Variants in NTRK3 observed in about 807,000 individuals in gnomAD.
The protein encoded by NTRK3 is neurotrophic receptor tyrosine kinase 3.
In NTRK3, 24 loss-of-function variants were observed where a neutral mutation model predicts 91.7. The observed-to-expected ratio is 0.26, with a 90% CI of 0.19 to 0.37. The LOEUF (loss-of-function observed/expected upper bound fraction) is 0.37. Among genes scored for constraint, NTRK3 ranks in the 10% least tolerant of loss-of-function variants. The pLI is 1.00. For synonymous variants in NTRK3, 483 were observed against 404.0 expected (o/e 1.20, Z -2.34); for missense variants, 880 against 1,068.9 (o/e 0.82, Z 2.46).
intron 5 of NTRK3, among the ~76,000 whole-genome samples, chr15:88,169,202 C>G (rs760794605): frequency 4.6e-5 from 7 of 152,182 alleles, no homozygotes; most frequent in Admixed American, 6.5e-5. Flanking sequence ...CACACTCACC[C>G]AGCAGACTAA....
chr15:88,013,117 AG>A (rs1260313340), intron 14 of NTRK3, among the ~76,000 whole-genome samples: 1 of 64,090 alleles, frequency 1.6e-5, no homozygotes, highest in Non-Finnish European at 3.2e-5. Context: ...CACTACCAGC[AG>A]CTGAAACCGT....
At chr15:88,229,390 C>T (rs2050974252) in intron 3 of NTRK3, among the ~76,000 whole-genome samples, 1 of 152,178 alleles carries the variant, frequency 6.6e-6, no homozygotes, top group Admixed American at 6.5e-5. Context: ...TCTGCTTCTC[C>T]ATGTTACATC....
At chr15:88,163,134 C>G (rs923510704) in intron 5 of NTRK3, among the ~76,000 whole-genome samples, 1 of 152,182 alleles carries the variant, frequency 6.6e-6, no homozygotes, top group Non-Finnish European at 1.5e-5. Context: ...GGTGCCCCTC[C>G]TCCAGGCTCC....
At chr15:88,134,947 G>A (rs1441424854) in intron 10 of NTRK3, among the ~76,000 whole-genome samples, 154 bp downstream of exon 10, 2 of 152,198 alleles carry the variant, frequency 1.3e-5, no homozygotes, top group African/African-American at 4.8e-5. Flanking sequence ...TATACCAGAT[G>A]CGGCTGGTGG....
intron 13 of NTRK3, 132 bp from the exon 14 acceptor site, chr15:88,033,177 TATATATATATATATATA>T (rs1246056744): frequency 4.8e-5 from 4 of 82,564 alleles, no homozygotes; most frequent in Admixed American, 1.8e-4. Flanking sequence ...GGGGGTGTGT[TATATATATATATATATA>T]TATATATATA....
chr15:88,030,051 G>C (rs556469266), intron 14 of NTRK3, among the ~76,000 whole-genome samples: 2 of 152,314 alleles, frequency 1.3e-5, no homozygotes, highest in South Asian at 4.2e-4. Context: ...TCTACTGATG[G>C]AACAGAAAGT....
intron 17 of NTRK3, among the ~76,000 whole-genome samples, chr15:87,893,164 G>A (rs2141586416): frequency 6.6e-6 from 1 of 152,200 alleles, no homozygotes; most frequent in African/African-American, 2.4e-5. Context: ...TCAGAGTCCT[G>A]CTCCTCTTGT....
At chr15:87,957,516 A>G (rs1237083967) in intron 14 of NTRK3, among the ~76,000 whole-genome samples, 8 of 152,196 alleles carry the variant, frequency 5.3e-5, no homozygotes, top group Non-Finnish European at 1.2e-4. Flanking sequence ...CCTATAGCAC[A>G]GTGTTGTGGT....
At chr15:88,074,781 T>C (rs1268776846) in intron 13 of NTRK3, among the ~76,000 whole-genome samples, 3 of 152,198 alleles carry the variant, frequency 2.0e-5, no homozygotes, top group Non-Finnish European at 4.4e-5. Context: ...GGGATTCGAA[T>C]TGACAGACCT....
intron 15 of NTRK3, among the ~76,000 whole-genome samples, chr15:87,940,135 A>C (rs1461211439): frequency 6.8e-6 from 1 of 147,862 alleles, no homozygotes; most frequent in Non-Finnish European, 1.5e-5. Flanking sequence ...CTAACCCCCT[A>C]CCTCCCTGCT....
At chr15:88,026,210 G>C (rs2078026035) in intron 14 of NTRK3, among the ~76,000 whole-genome samples, 2 of 152,176 alleles carry the variant, frequency 1.3e-5, no homozygotes, top group Admixed American at 6.5e-5. Context: ...GGTGGAGCTT[G>C]CAGTGAGCCA....
At chr15:88,000,150 G>C (rs867012288) in intron 14 of NTRK3, among the ~76,000 whole-genome samples, 1 of 152,322 alleles carries the variant, frequency 6.6e-6, no homozygotes, top group South Asian at 2.1e-4. Flanking sequence ...TGAGGATTTA[G>C]ACACAGGTAG....
At chr15:88,172,074 C>T (rs1597744071) in intron 5 of NTRK3, among the ~76,000 whole-genome samples, 1 of 152,218 alleles carries the variant, frequency 6.6e-6, no homozygotes, top group East Asian at 1.9e-4. Flanking sequence ...AGACCCAGTA[C>T]CCTTTAAACC....
At chr15:87,973,699 G>T (rs1169850658) in intron 14 of NTRK3, among the ~76,000 whole-genome samples, 1 of 152,076 alleles carries the variant, frequency 6.6e-6, no homozygotes, top group Admixed American at 6.5e-5. Flanking sequence ...CCAGGCCCGT[G>T]CTGGACAGTC....
In NTRK3 at chr15:88,198,214, G is replaced by A. The variant is rs568004735; in HGVS notation, c.249-13915C>T. On this transcript the variant is annotated intron_variant, in intron 3 of 18. Transcript: ENST00000394480. ...AGCTTCAGTGGCTGAGGCTGTGACAGACGTGTAGTGTGAGACTCTTCCCAG... is the reference window on the plus strand; with the variant it reads ...AGCTTCAGTGGCTGAGGCTGTGACAAACGTGTAGTGTGAGACTCTTCCCAG... Among the ~76,000 whole-genome samples, 33 of 152,280 alleles carry A rather than the reference G, an allele frequency of 2.2e-4. No individual in the cohort carries two copies. In the East Asian group the frequency reaches 6.4e-3, roughly 29 times the overall value.
At chr15:87,931,266 G>C (rs1416053685) in intron 16 of NTRK3, 1 of 516,620 alleles carries the variant, frequency 1.9e-6, no homozygotes, top group Non-Finnish European at 3.9e-6. Context: ...GTGGTGAAAA[G>C]TAGGGCATGC....
intron 13 of NTRK3, among the ~76,000 whole-genome samples, chr15:88,033,477 A>G (rs2078788691): frequency 1.3e-5 from 2 of 151,236 alleles, no homozygotes; most frequent in Admixed American, 1.3e-4. Context: ...TGCCTGGCTA[A>G]TTTTTGTATT....
chr15:88,226,649 C>T (rs574079701), intron 3 of NTRK3, among the ~76,000 whole-genome samples: 3 of 152,368 alleles, frequency 2.0e-5, no homozygotes, highest in Non-Finnish European at 2.9e-5. Context: ...ATCTCTGGGC[C>T]GCACGGCCCC....
chr15:88,159,199 G>C (rs2044206389), intron 5 of NTRK3, among the ~76,000 whole-genome samples: 1 of 152,206 alleles, frequency 6.6e-6, no homozygotes, highest in Non-Finnish European at 1.5e-5. Flanking sequence ...CTACTATTCA[G>C]ATTAAAGGAA....
Sources: gnomAD v4.1 joint callset for allele counts (sites outside exome capture counted in the v4.1 genomes callset) on GRCh38, gnomAD v4.1.1 for gene constraint, MANE v1.5 for transcripts, NCBI Gene and HGNC (gene_info 2026-07-23, HGNC 2026-07-21) for gene names.